The following GRID2 variants were observed in gnomAD, a reference collection of about 807,000 sequenced individuals.
GRID2 encodes glutamate ionotropic receptor delta type subunit 2.
Under a neutral mutation model 114.8 loss-of-function variants are expected in GRID2, and 33 were observed. The observed-to-expected ratio is 0.29, with a 90% CI of 0.22 to 0.38. GRID2 has a LOEUF of 0.38. Ranked by LOEUF, GRID2 falls within the 10% of genes least tolerant of loss-of-function variation. GRID2 has a pLI of 1.00. For missense variants in GRID2, 1,184 were observed against 1,257.7 expected (o/e 0.94, Z 0.89); for synonymous variants, 505 against 449.9 (o/e 1.12, Z -1.55).
At chr4:92,504,243 G>T (rs1043432259) in intron 1 of GRID2, among the ~76,000 whole-genome samples, 1 of 152,062 alleles carries the variant, frequency 6.6e-6, no homozygotes, top group Admixed American at 6.6e-5. Flanking sequence ...AGTCATAGAG[G>T]TGTGATTCTA....
intron 2 of GRID2, among the ~76,000 whole-genome samples, chr4:92,933,252 C>G (rs1396743748): frequency 6.6e-6 from 1 of 150,924 alleles, no homozygotes; most frequent in Non-Finnish European, 1.5e-5. Context: ...TTGTATGTAT[C>G]AGTTGCAAAT....
chr4:93,113,250 A>AT (rs1279550535), intron 4 of GRID2, among the ~76,000 whole-genome samples: 1 of 152,182 alleles, frequency 6.6e-6, no homozygotes, highest in Non-Finnish European at 1.5e-5. Flanking sequence ...ATGAACTCAT[A>AT]TAATCTTCAT....
chr4:92,876,381 C>A (rs573830002), intron 2 of GRID2, among the ~76,000 whole-genome samples: 1 of 151,932 alleles, frequency 6.6e-6, no homozygotes, highest in East Asian at 1.9e-4. Context: ...TCACTGCAAG[C>A]TCCGCCCCAG....
intron 2 of GRID2, among the ~76,000 whole-genome samples, chr4:92,656,075 G>A (rs1340378241): frequency 6.6e-6 from 1 of 151,594 alleles, no homozygotes; most frequent in African/African-American, 2.4e-5. Context: ...TTATCTTGCA[G>A]AGTAGTAGTT....
At chr4:92,399,106 A>G (rs965250942) in intron 1 of GRID2, among the ~76,000 whole-genome samples, 1 of 152,184 alleles carries the variant, frequency 6.6e-6, no homozygotes, top group Non-Finnish European at 1.5e-5. Context: ...GAAAACACAC[A>G]TGGTAAGTAA....
intron 3 of GRID2, among the ~76,000 whole-genome samples, chr4:93,109,785 T>C (rs1560888735): frequency 1.3e-5 from 2 of 152,168 alleles, no homozygotes; most frequent in Non-Finnish European, 2.9e-5. Context: ...TAAGCTTGTA[T>C]TGTGCCAGAT....
chr4:93,207,915 T>A (rs1742998445), intron 5 of GRID2, among the ~76,000 whole-genome samples: 1 of 151,986 alleles, frequency 6.6e-6, no homozygotes, highest in South Asian at 2.1e-4. Context: ...CATAAGGAAG[T>A]ACAACTGTTT....
intron 12 of GRID2, among the ~76,000 whole-genome samples, chr4:93,498,438 A>G (rs143437117): frequency 5.1e-4 from 78 of 152,052 alleles, no homozygotes; most frequent in African/African-American, 1.5e-3. Flanking sequence ...TTAAATTTCA[A>G]TATGAACTCT....
At chr4:92,795,890 A>C (rs1739844646) in intron 2 of GRID2, among the ~76,000 whole-genome samples, 1 of 151,926 alleles carries the variant, frequency 6.6e-6, no homozygotes, top group Admixed American at 6.6e-5. Flanking sequence ...CCCTATGTTG[A>C]AACCCTTCAC....
intron 13 of GRID2, among the ~76,000 whole-genome samples, chr4:93,621,976 A>G (rs917571565): frequency 6.6e-6 from 1 of 152,218 alleles, no homozygotes; most frequent in Non-Finnish European, 1.5e-5. Context: ...AACTTTTCTA[A>G]CAGCAAAGCA....
At chr4:92,926,264 T>C (rs1247559217) in intron 2 of GRID2, among the ~76,000 whole-genome samples, 3 of 152,008 alleles carry the variant, frequency 2.0e-5, no homozygotes, top group Admixed American at 2.0e-4. Flanking sequence ...TAATGAATAT[T>C]TTGAAGATGG....
At chr4:93,335,887 A>G (rs1468776190) in intron 8 of GRID2, among the ~76,000 whole-genome samples, 2 of 151,998 alleles carry the variant, frequency 1.3e-5, no homozygotes, top group East Asian at 1.9e-4. Flanking sequence ...ACAGGGTTTC[A>G]CCAAGTTTTC....
At chr4:93,307,466 C>G (rs778369390) in intron 8 of GRID2, among the ~76,000 whole-genome samples, 2 of 151,894 alleles carry the variant, frequency 1.3e-5, no homozygotes, top group African/African-American at 4.8e-5. Context: ...CAGCTCTTCA[C>G]AGCTTTGTTT....
chr4:93,190,398 T>C (rs1043717299), intron 4 of GRID2, among the ~76,000 whole-genome samples: 2 of 152,258 alleles, frequency 1.3e-5, no homozygotes, highest in African/African-American at 4.8e-5. Flanking sequence ...TATCCAAGAT[T>C]TGCTGTCTTT....
chr4:93,092,982 A>T (rs1730913061), intron 3 of GRID2, among the ~76,000 whole-genome samples: 1 of 152,032 alleles, frequency 6.6e-6, no homozygotes, highest in Non-Finnish European at 1.5e-5. Flanking sequence ...GCAGGTGCTG[A>T]GCTTGAATGA....
intron 1 of GRID2, among the ~76,000 whole-genome samples, chr4:92,570,647 T>A (rs1396836653): frequency 3.9e-5 from 6 of 152,004 alleles, no homozygotes; most frequent in East Asian, 3.9e-4. Context: ...TGGTTTATAG[T>A]TTTTCTTGAA....
At chr4:92,519,882 A>T (rs1286195569) in intron 1 of GRID2, among the ~76,000 whole-genome samples, 1 of 151,790 alleles carries the variant, frequency 6.6e-6, no homozygotes, top group Non-Finnish European at 1.5e-5. Flanking sequence ...ATTCTCTCTT[A>T]CTCAGTCCTT....
intron 1 of GRID2, among the ~76,000 whole-genome samples, chr4:92,313,727 A>C (rs1272833675): frequency 6.6e-6 from 1 of 152,066 alleles, no homozygotes; most frequent in Non-Finnish European, 1.5e-5. Context: ...AACCCTGTTG[A>C]ATTGTATGTA....
At chr4:92,404,925 G>A (rs1022335331) in intron 1 of GRID2, among the ~76,000 whole-genome samples, 15 of 152,118 alleles carry the variant, frequency 9.9e-5, no homozygotes, top group African/African-American at 3.4e-4. Flanking sequence ...TAATGCATGA[G>A]AGTCTTAATA....
Sources: allele counts gnomAD v4.1 joint callset (sites outside exome capture counted in the v4.1 genomes callset), GRCh38; gene constraint gnomAD v4.1.1; transcripts MANE v1.5; gene names NCBI Gene and HGNC (gene_info 2026-07-23, HGNC 2026-07-21).